The following NCAM2 variants were observed in gnomAD, a reference collection of about 807,000 sequenced individuals.
The protein encoded by NCAM2 is N-CAM-2.
A neutral mutation model predicts 98.1 loss-of-function variants in NCAM2; 30 were observed. The ratio of observed to expected loss-of-function variants is 0.31; its 90% CI spans 0.23 to 0.41. The LOEUF (loss-of-function observed/expected upper bound fraction) is 0.41, where lower values mean the gene tolerates loss of function less well. NCAM2 is among the 10% of genes least tolerant of loss of function. The pLI, the probability that NCAM2 is intolerant of heterozygous loss-of-function variation, is 1.00. For missense variants in NCAM2, 867 were observed against 1,005.8 expected, an observed-to-expected ratio of 0.86 and a Z score of 1.87; for synonymous variants, 368 against 342.4, an observed-to-expected ratio of 1.07 and a Z score of -0.83.
At chr21:21,161,395 T>A (rs575514197) in intron 1 of NCAM2, among the ~76,000 whole-genome samples, 2 of 152,108 alleles carry the variant, frequency 1.3e-5, no homozygotes, top group African/African-American at 4.8e-5. Flanking sequence ...GTTTACTATA[T>A]GCCAGATTTC....
chr21:21,217,840 C>CT (rs1170523917), intron 1 of NCAM2, among the ~76,000 whole-genome samples: 2 of 152,114 alleles, frequency 1.3e-5, no homozygotes, highest in East Asian at 3.9e-4. Context: ...ACCACATCTG[C>CT]TAGCATTGAA....
At chr21:21,113,936 C>T (rs886159982) in intron 1 of NCAM2, among the ~76,000 whole-genome samples, 15 of 151,814 alleles carry the variant, frequency 9.9e-5, no homozygotes, top group Admixed American at 3.3e-4. Flanking sequence ...TTGCTTTATT[C>T]GGGAGTTAAG....
At chr21:21,324,917 ATGT>A (rs1308412757) in intron 6 of NCAM2, among the ~76,000 whole-genome samples, 8 of 152,110 alleles carry the variant, frequency 5.3e-5, no homozygotes, top group African/African-American at 9.7e-5. Flanking sequence ...TATACACAAA[ATGT>A]TGTATTATAG....
At position 21,539,965 on chromosome 21, in the gene NCAM2, ATTAG is replaced by A. The variant is rs1990164311; in HGVS notation, c.*2011_*2014del. 6.6e-6 allele frequency: 1 copy of A among 152,116 alleles called. No homozygotes were observed. The highest frequency in any genetic ancestry group is 6.6e-5 in the Admixed American group (1 of 15,254). 9.4% of individuals were successfully genotyped at this position (152,116 alleles called of 1,614,324 possible). A position where few individuals can be genotyped will look rare whatever the true frequency, so the allele number is the denominator to read the frequency against. On this transcript the variant is annotated 3_prime_UTR_variant, in exon 18 of 18. Transcript: ENST00000400546. ...TACTAAAACTAGTCAAAATACTTGA[ATTAG>A]TTTGTTTGTGCAAAGTGTACAAGCT... is the stretch of plus-strand genomic sequence containing the variant.
intron 11 of NCAM2, among the ~76,000 whole-genome samples, chr21:21,421,979 G>T (rs972577984): frequency 6.6e-6 from 1 of 151,756 alleles, no homozygotes. Flanking sequence ...TAATAACTTA[G>T]CCCTACATCG....
chr21:21,033,233 G>A (rs1200098386), intron 1 of NCAM2, among the ~76,000 whole-genome samples: 1 of 152,168 alleles, frequency 6.6e-6, no homozygotes, highest in East Asian at 1.9e-4. Flanking sequence ...ACAGGCATGA[G>A]CCACTGCACC....
chr21:21,118,982 A>G (rs1044204670), intron 1 of NCAM2, among the ~76,000 whole-genome samples: 5 of 152,100 alleles, frequency 3.3e-5, no homozygotes, highest in South Asian at 4.2e-4. Context: ...AAATATATCT[A>G]TAGTTATTCT....
Position 21,538,110 on chromosome 21 carries a change from A to C in NCAM2, c.*153A>C. 1 of 402,672 alleles carries C rather than the reference A, an allele frequency of 2.5e-6. No individual in the cohort carries two copies. 24.9% of individuals were successfully genotyped at this position (402,672 alleles called of 1,614,324 possible). A position where few individuals can be genotyped will look rare whatever the true frequency, so the allele number is the denominator to read the frequency against. ...TACATATGATCAAATACTCCTGCCC[A>C]TGATCCATTCCCTTTTGTTATTGTT... On this transcript the variant is annotated 3_prime_UTR_variant, in exon 18 of 18. Coordinates refer to ENST00000400546, the MANE Select transcript of NCAM2 (RefSeq NM_004540.5).
intron 15 of NCAM2, among the ~76,000 whole-genome samples, chr21:21,495,174 T>A (rs1047181603): frequency 2.8e-4 from 43 of 151,956 alleles, no homozygotes; most frequent in African/African-American, 3.9e-4. Flanking sequence ...TAGAGAATAG[T>A]TATACATAAA....
chr21:21,293,504 T>G (rs940311961), intron 5 of NCAM2, among the ~76,000 whole-genome samples: 1 of 151,818 alleles, frequency 6.6e-6, no homozygotes, highest in Non-Finnish European at 1.5e-5. Flanking sequence ...ATAGGGAAAC[T>G]GGGTCCTTAG....
At chr21:21,436,635 G>C (rs992216442) in intron 12 of NCAM2, among the ~76,000 whole-genome samples, 2 of 152,148 alleles carry the variant, frequency 1.3e-5, no homozygotes, top group African/African-American at 4.8e-5. Context: ...TATTAGGGTA[G>C]AGGGAATACT....
chr21:21,241,244 G>T (rs1029417580), intron 1 of NCAM2, among the ~76,000 whole-genome samples: 2 of 151,790 alleles, frequency 1.3e-5, no homozygotes, highest in African/African-American at 2.4e-5. Flanking sequence ...AAAATATATT[G>T]TTCTTTTGGA....
chr21:21,242,516 G>T (rs2071101825), intron 1 of NCAM2, among the ~76,000 whole-genome samples: 1 of 151,990 alleles, frequency 6.6e-6, no homozygotes, highest in African/African-American at 2.4e-5. Context: ...CTATAACTCT[G>T]GTCATCTCCA....
At chr21:21,400,168 A>T (rs2076598099) in intron 9 of NCAM2, among the ~76,000 whole-genome samples, 1 of 152,168 alleles carries the variant, frequency 6.6e-6, no homozygotes, top group African/African-American at 2.4e-5. Flanking sequence ...TGAAACATTG[A>T]GGAAGGTGAC....
chr21:21,305,820 C>T (rs117080779), intron 5 of NCAM2, among the ~76,000 whole-genome samples: 1 of 152,120 alleles, frequency 6.6e-6, no homozygotes, highest in East Asian at 1.9e-4. Context: ...TCTGTTTTCT[C>T]AAGGTTAAAC....
chr21:21,210,967 AACACACACACAC>A (rs71195310), intron 1 of NCAM2, among the ~76,000 whole-genome samples: 5,404 of 127,286 alleles, frequency 0.042, 140 homozygotes, highest in African/African-American at 0.053. Flanking sequence ...ACTCTCCCCA[AACACACACACAC>A]ACACACACAC....
At chr21:21,344,006 G>C (rs1364234767) in intron 8 of NCAM2, among the ~76,000 whole-genome samples, 3 of 152,266 alleles carry the variant, frequency 2.0e-5, no homozygotes, top group African/African-American at 7.2e-5. Context: ...TCTGATTGAC[G>C]AGAGGAAAGG....
intron 1 of NCAM2, among the ~76,000 whole-genome samples, chr21:21,025,853 A>T (rs1708629235): frequency 6.6e-6 from 1 of 152,240 alleles, no homozygotes; most frequent in South Asian, 2.1e-4. Context: ...ATTGGCAAGT[A>T]TACCCACAAG....
At chr21:21,218,718 A>G (rs2070012520) in intron 1 of NCAM2, among the ~76,000 whole-genome samples, 1 of 152,338 alleles carries the variant, frequency 6.6e-6, no homozygotes, top group East Asian at 1.9e-4. Context: ...TAGAACCTTC[A>G]GAAAGGAACA....
Sources: gnomAD v4.1 joint callset for allele counts (sites outside exome capture counted in the v4.1 genomes callset) on GRCh38, gnomAD v4.1.1 for gene constraint, MANE v1.5 for transcripts, NCBI Gene and HGNC (gene_info 2026-07-23, HGNC 2026-07-21) for gene names.